The following CYSTM1 variants were observed in gnomAD, a reference collection of about 807,000 sequenced individuals.
The protein encoded by CYSTM1 is cysteine rich transmembrane module containing 1.
CYSTM1 carries 4 observed loss-of-function variants against 13.1 expected under a neutral mutation model. The ratio of observed to expected loss-of-function variants is 0.31; its 90% CI spans 0.15 to 0.70. The LOEUF is 0.70. CYSTM1 is among the 30% of genes least tolerant of loss of function. The probability of loss-of-function intolerance (pLI) is 0.72; values close to 1 mark genes in which losing one functional copy is unlikely to be tolerated. For synonymous variants in CYSTM1, 36 were observed against 42.7 expected (o/e 0.84, Z 0.62); for missense variants, 96 against 121.6 (o/e 0.79, Z 0.99).
At chr5:140,222,470 CTT>C (rs1030716099) in intron 2 of CYSTM1, among the ~76,000 whole-genome samples, 29 of 152,198 alleles carry the variant, frequency 1.9e-4, no homozygotes, top group African/African-American at 6.8e-4. Flanking sequence ...TTGTGAAACT[CTT>C]GTCTTAATGG....
chr5:140,224,430 T>C (rs1048863019), intron 2 of CYSTM1, among the ~76,000 whole-genome samples: 7 of 152,212 alleles, frequency 4.6e-5, no homozygotes, highest in African/African-American at 1.7e-4. Context: ...TGAGCCACCA[T>C]GCCCAGCTGC....
At chr5:140,185,963 C>A (rs1028687008) in intron 1 of CYSTM1, among the ~76,000 whole-genome samples, 1 of 152,200 alleles carries the variant, frequency 6.6e-6, no homozygotes, top group African/African-American at 2.4e-5. Context: ...AGGTAACTGC[C>A]TTTTGGACCT....
intron 2 of CYSTM1, among the ~76,000 whole-genome samples, chr5:140,236,353 T>A (rs1164111183): frequency 6.6e-6 from 1 of 152,194 alleles, no homozygotes; most frequent in African/African-American, 2.4e-5. Flanking sequence ...CACTGTATGA[T>A]GTTTTGCAAG....
At chr5:140,234,522 G>T (rs762005791) in intron 2 of CYSTM1, among the ~76,000 whole-genome samples, 12 of 152,192 alleles carry the variant, frequency 7.9e-5, no homozygotes, top group Non-Finnish European at 1.3e-4. Context: ...GGGATTGGTT[G>T]CTCACCCTTA....
intron 2 of CYSTM1, among the ~76,000 whole-genome samples, chr5:140,225,586 G>A (rs902442805): frequency 6.6e-6 from 1 of 152,228 alleles, no homozygotes; most frequent in Non-Finnish European, 1.5e-5. Flanking sequence ...CTCTGCCTGG[G>A]CTTCCTAGTC....
At chr5:140,210,859 A>C (rs1581066128) in intron 2 of CYSTM1, among the ~76,000 whole-genome samples, 1 of 152,172 alleles carries the variant, frequency 6.6e-6, no homozygotes, top group South Asian at 2.1e-4. Context: ...CAGTGAAGGA[A>C]AAGGTCTTCC....
intron 1 of CYSTM1, among the ~76,000 whole-genome samples, chr5:140,190,301 T>C (rs1164514632): frequency 3.3e-5 from 5 of 151,166 alleles, no homozygotes; most frequent in African/African-American, 1.2e-4. Flanking sequence ...GGTTGTTTTT[T>C]TCCTTCCTCT....
intron 2 of CYSTM1, among the ~76,000 whole-genome samples, chr5:140,229,552 T>C (rs1331326858): frequency 1.3e-5 from 2 of 152,188 alleles, no homozygotes; most frequent in African/African-American, 4.8e-5. Flanking sequence ...ATGTTTATCA[T>C]CTTTCCCTCG....
At chr5:140,242,254 G>C (rs541329620) in intron 2 of CYSTM1, among the ~76,000 whole-genome samples, 2 of 152,322 alleles carry the variant, frequency 1.3e-5, no homozygotes, top group African/African-American at 2.4e-5. Flanking sequence ...GTAGAGGGCA[G>C]CTGATACAAC....
chr5:140,198,187 A>G (rs1018469957), intron 2 of CYSTM1, among the ~76,000 whole-genome samples: 4 of 152,248 alleles, frequency 2.6e-5, no homozygotes, highest in Admixed American at 2.6e-4. Context: ...CAACAACCCC[A>G]TAGTATCAGT....
intron 2 of CYSTM1, among the ~76,000 whole-genome samples, chr5:140,222,249 TC>T (rs1246177618): frequency 6.6e-6 from 1 of 152,252 alleles, no homozygotes; most frequent in Non-Finnish European, 1.5e-5. Flanking sequence ...GTTTTTGTAA[TC>T]TGCTTTTGTT....
intron 1 of CYSTM1, among the ~76,000 whole-genome samples, chr5:140,184,790 A>G (rs1763997649): frequency 6.6e-6 from 1 of 152,190 alleles, no homozygotes; most frequent in South Asian, 2.1e-4. Context: ...TCCTCTGTTG[A>G]AGGGAACTTC....
intron 2 of CYSTM1, 68 bp downstream of exon 2, chr5:140,194,720 T>C: frequency 6.6e-7 from 1 of 1,518,642 alleles, no homozygotes; most frequent in Non-Finnish European, 8.8e-7. Flanking sequence ...ATGTTTTCTT[T>C]GGCAGAGAAG....
chr5:140,207,332 C>G lies in CYSTM1; in HGVS notation c.187+12680C>G, dbSNP rs189537490. 2.6e-5 allele frequency among the ~76,000 whole-genome samples: 4 copies of G among 152,296 alleles called. No homozygotes were observed. In the East Asian group the frequency reaches 7.7e-4, roughly 29 times the overall value. On this transcript the variant is annotated intron_variant, in intron 2 of 2. Transcript: ENST00000261811. ...CAGCTATCTCGAGGGCTTCCCTTTC[C>G]CCTACCCCAGAGAGGGCACTGGACT...
At chr5:140,212,983 G>GTGTATATATATATATATA (rs1405430820) in intron 2 of CYSTM1, among the ~76,000 whole-genome samples, 2,338 of 114,086 alleles carry the variant, frequency 0.02, 153 homozygotes, top group South Asian at 0.047. Context: ...CAAAACAAAA[G>GTGTATATATATATATATA]TATATATATA....
chr5:140,194,922 G>T (rs967289097), intron 2 of CYSTM1, among the ~76,000 whole-genome samples: 1 of 152,228 alleles, frequency 6.6e-6, no homozygotes, highest in African/African-American at 2.4e-5. Flanking sequence ...GCACTTGGGG[G>T]TGGGGAAGGA....
chr5:140,215,893 C>T (rs1764420344), intron 2 of CYSTM1, among the ~76,000 whole-genome samples: 1 of 152,178 alleles, frequency 6.6e-6, no homozygotes, highest in African/African-American at 2.4e-5. Context: ...GTAATCCCAA[C>T]ACTTTGGGAG....
chr5:140,221,898 A>G (rs1383578405), intron 2 of CYSTM1, among the ~76,000 whole-genome samples: 1 of 152,262 alleles, frequency 6.6e-6, no homozygotes, highest in Non-Finnish European at 1.5e-5. Context: ...ACAACATTTT[A>G]TAATTCCAGT....
At chr5:140,242,264 C>T (rs966731597) in intron 2 of CYSTM1, among the ~76,000 whole-genome samples, 6 of 152,126 alleles carry the variant, frequency 3.9e-5, no homozygotes, top group East Asian at 1.9e-4. Context: ...GCTGATACAA[C>T]GGGAGGACCT....
Sources: gnomAD v4.1 joint callset for allele counts (sites outside exome capture counted in the v4.1 genomes callset) on GRCh38, gnomAD v4.1.1 for gene constraint, MANE v1.5 for transcripts, NCBI Gene and HGNC (gene_info 2026-07-23, HGNC 2026-07-21) for gene names.